The following CD84 variants were observed in gnomAD, a reference collection of about 807,000 sequenced individuals.
The protein encoded by CD84 is SLAM family member 5.
CD84 carries 22 observed loss-of-function variants against 33.8 expected under a neutral mutation model. That is an observed-to-expected ratio of 0.65 (90% confidence interval 0.46 to 0.93). The LOEUF (loss-of-function observed/expected upper bound fraction) is 0.93, where lower values mean the gene tolerates loss of function less well. CD84 is among the 40% of genes least tolerant of loss of function. CD84 has a pLI of 0.00. For synonymous variants in CD84, 154 were observed against 145.2 expected (o/e 1.06, Z -0.44); for missense variants, 400 against 397.6 (o/e 1.01, Z -0.05).
chr1:160,571,151 C>G (rs1363716243), intron 1 of CD84: 1 of 152,080 alleles, frequency 6.6e-6, no homozygotes, highest in Middle Eastern at 3.2e-3. Context: ...TTTAGTGTCT[C>G]TGGTACTTAC....
chr1:160,548,004 T>C lies in CD84; in HGVS notation c.*252A>G, dbSNP rs1162559228. 1.9e-6 allele frequency: 1 copy of C among 519,782 alleles called. No homozygotes were observed. The highest frequency in any genetic ancestry group is 3.5e-6 in the Non-Finnish European group (1 of 287,568). 32.2% of individuals were successfully genotyped at this position (519,782 alleles called of 1,614,324 possible). ...ACATGTGCTATGATGGGAAGAAGTT[T>C]GGGAAAACTATACTAGGTAACCTGC... On this transcript the variant is annotated 3_prime_UTR_variant, in exon 7 of 7. Transcript: ENST00000368054.
rs756335302 is a variant in CD84 at position 160,553,949 on chromosome 1, G to A, written c.586C>T (p.Gln196Ter). ...TCAGAATTGTTGCTGACAGGGTTCT[G>A]GGCTGTACACGTGTAAGTCAGCTCT... Reference protein sequence around the residue: ...DQELTYTCTAQNPVSNNSDSI... With the variant: ...DQELTYTCTA The change falls in exon 3 of 7, where the codon CAG becomes TAG. Residue 196 changes from glutamine to a stop codon, truncating the protein, a stop_gained. Coordinates refer to ENST00000368054, the MANE Select transcript of CD84 (RefSeq NM_003874.4). LOFTEE classifies it high-confidence loss of function. 6.2e-7 allele frequency: 1 copy of A among 1,614,186 alleles called. No individual in the cohort carries two copies. Among genetic ancestry groups the A allele is most frequent in the Non-Finnish European group, 8.5e-7 (1 of 1,180,030 alleles).
intron 2 of CD84, 35 bp downstream of exon 2, chr1:160,565,369 A>G (rs775707535): frequency 6.6e-7 from 1 of 1,508,916 alleles, no homozygotes; most frequent in Non-Finnish European, 8.9e-7. Context: ...CAAAGTAAAA[A>G]TAAAACACAA....
At chr1:160,549,435 G>A (rs1656043012) in intron 6 of CD84, among the ~76,000 whole-genome samples, 1 of 152,180 alleles carries the variant, frequency 6.6e-6, no homozygotes. Context: ...ACAGGCATAA[G>A]GCACAAGGCA....
At chr1:160,559,933 G>C (rs1656844172) in intron 2 of CD84, among the ~76,000 whole-genome samples, 1 of 151,160 alleles carries the variant, frequency 6.6e-6, no homozygotes, top group African/African-American at 2.4e-5. Flanking sequence ...AGGATAGTTA[G>C]GATAGTGCTA....
At chr1:160,573,045 G>A (rs1443041675) in intron 1 of CD84, among the ~76,000 whole-genome samples, 1 of 152,072 alleles carries the variant, frequency 6.6e-6, no homozygotes, top group Non-Finnish European at 1.5e-5. Context: ...ATGATCCTAG[G>A]GATATGGATG....
rs1395546309 is a variant in CD84, at chr1:160,545,214, G to A, written c.*3042C>T. The A allele has an allele frequency of 6.6e-6, 1 of 152,154 alleles. No individual in the cohort carries two copies. Among genetic ancestry groups the A allele is most frequent in the East Asian group, 1.9e-4 (1 of 5,194 alleles). The allele number at this position is 152,154 out of a possible 1,614,324, so 9.4% of individuals were successfully genotyped here. ...GCTTCATCCCAGGTTTGCTCTTCTG[G>A]AAGACCTAACAGATCTAACCTGCTT... On this transcript the variant is annotated 3_prime_UTR_variant, in exon 7 of 7. Coordinates refer to ENST00000368054, the MANE Select transcript of CD84 (RefSeq NM_003874.4).
At chr1:160,578,681 T>A (rs1459592649) in intron 1 of CD84, among the ~76,000 whole-genome samples, 1 of 152,194 alleles carries the variant, frequency 6.6e-6, no homozygotes, top group Non-Finnish European at 1.5e-5. Flanking sequence ...CCCAGATCTA[T>A]GTTAATGTTA....
chr1:160,556,820 G>C (rs1276658493), intron 2 of CD84, among the ~76,000 whole-genome samples: 2 of 152,186 alleles, frequency 1.3e-5, no homozygotes, highest in African/African-American at 4.8e-5. Flanking sequence ...AAGACTTTCT[G>C]AAGATTGGGT....
In CD84 at chr1:160,549,434, A is replaced by C. The variant is rs144139288; in HGVS notation, c.921+483T>G. Among the ~76,000 whole-genome samples, 35 of 152,332 alleles carry C rather than the reference A, an allele frequency of 2.3e-4. No individual in the cohort carries two copies. The East Asian group carries it at 4.8e-3, about 21-fold the overall frequency. ...GAGAAGGACATAAGGCACAGGCATA[A>C]GGCACAAGGCACTTGGCACTACAAA... On this transcript the variant is annotated intron_variant, in intron 6 of 6. Coordinates refer to ENST00000368054, the MANE Select transcript of CD84 (RefSeq NM_003874.4).
At chr1:160,557,131 C>T (rs1656661362) in intron 2 of CD84, among the ~76,000 whole-genome samples, 1 of 152,084 alleles carries the variant, frequency 6.6e-6, no homozygotes, top group African/African-American at 2.4e-5. Context: ...TCATTTAATA[C>T]CATCAATTAC....
Position 160,545,948 on chromosome 1 carries a change from T to G in CD84, c.*2308A>C, listed in dbSNP as rs1655802854. On this transcript the variant is annotated 3_prime_UTR_variant, in exon 7 of 7. Coordinates refer to ENST00000368054, the MANE Select transcript of CD84 (RefSeq NM_003874.4). ...TGCCCAGCTGCATCCTGATATTTAA[T>G]GCTTGCCAGAATTTGATTGCACCAT... is the stretch of plus-strand genomic sequence containing the variant. The G allele has an allele frequency of 6.7e-6, 1 of 150,288 alleles. No individual in the cohort carries two copies. The highest frequency in any genetic ancestry group is 1.5e-5 in the Non-Finnish European group (1 of 67,830). The allele number at this position is 150,288 out of a possible 1,614,324, so 9.3% of individuals were successfully genotyped here.
In CD84 at chr1:160,554,143, C is replaced by A; in HGVS notation, c.392G>T (p.Arg131Leu). 6.2e-7 allele frequency: 1 copy of A among 1,609,294 alleles called. No individual in the cohort carries two copies. Among genetic ancestry groups the A allele is most frequent in the Non-Finnish European group, 8.5e-7 (1 of 1,177,046 alleles). ...TKRYNLQIYR[R>L]LGKPKITQSL... ...CTGTGTAATTTTTGGTTTCCCAAGC[C>A]GACCTGTGGGGGCAAACACATGAGC... is the stretch of plus-strand genomic sequence containing the variant. Residue 131 changes from arginine to leucine, a missense_variant, in exon 3 of 7, where the codon CGG becomes CTG. Coordinates refer to ENST00000368054, the MANE Select transcript of CD84 (RefSeq NM_003874.4).
intron 1 of CD84, among the ~76,000 whole-genome samples, chr1:160,572,578 G>C (rs542477911): frequency 5.4e-5 from 8 of 147,672 alleles, no homozygotes; most frequent in African/African-American, 1.6e-4. Flanking sequence ...GTAAAAATTG[G>C]GGGGGGGAAT....
chr1:160,557,476 C>A (rs1336105811), intron 2 of CD84, among the ~76,000 whole-genome samples: 1 of 152,246 alleles, frequency 6.6e-6, no homozygotes, highest in East Asian at 1.9e-4. Context: ...TAGTGGGTGA[C>A]CTATATACCT....
In CD84 at chr1:160,553,895, C is replaced by G. The variant is rs748539898; in HGVS notation, c.640G>C (p.Asp214His). 2.5e-6 allele frequency: 4 copies of G among 1,614,174 alleles called. No individual in the cohort carries two copies. The highest frequency in any genetic ancestry group is 3.4e-6 in the Non-Finnish European group (4 of 1,180,038). ...DSISARQLCA[D>H]IAMGFRTHHT... ...AGGAGAGATGGGCAGAGCTGGTTAC[C>G]TGCACAGAGCTGCCGGGCAGAGATG... The change falls in exon 3 of 7, where the codon GAC becomes CAC. Residue 214 changes from aspartate (D) to histidine (H), a missense_variant and splice_region_variant. By Grantham distance (81) the Asp-to-His change is moderately conservative (BLOSUM62 -1). Transcript: ENST00000368054.
intron 1 of CD84, among the ~76,000 whole-genome samples, chr1:160,570,462 T>C (rs1181424344): frequency 6.6e-6 from 1 of 152,138 alleles, no homozygotes; most frequent in Non-Finnish European, 1.5e-5. Context: ...CCACCCAGAG[T>C]AAAGACTATA....
intron 1 of CD84, among the ~76,000 whole-genome samples, chr1:160,569,118 C>T (rs541491430): frequency 1.3e-5 from 2 of 152,280 alleles, no homozygotes; most frequent in East Asian, 1.9e-4. Flanking sequence ...GGTACATGCC[C>T]TTTGGGCCTG....
chr1:160,552,436 G>A (rs898079503), intron 4 of CD84, among the ~76,000 whole-genome samples: 2 of 152,170 alleles, frequency 1.3e-5, no homozygotes, highest in African/African-American at 4.8e-5. Context: ...TACTTACTAT[G>A]TACTGGGAAT....
Sources: gnomAD v4.1 joint callset for allele counts (sites outside exome capture counted in the v4.1 genomes callset) on GRCh38, gnomAD v4.1.1 for gene constraint, MANE v1.5 for transcripts, NCBI Gene and HGNC (gene_info 2026-07-23, HGNC 2026-07-21) for gene names.